MITF: variants seen among roughly 807,000 people sequenced by gnomAD.
The protein encoded by MITF is melanocyte inducing transcription factor, also known as microphthalmia-associated transcription factor.
A neutral mutation model predicts 60.5 loss-of-function variants in MITF; 17 were observed. That is an observed-to-expected ratio of 0.28 (90% CI 0.19 to 0.42). The LOEUF (loss-of-function observed/expected upper bound fraction) is 0.42, where lower values mean the gene tolerates loss of function less well. Among genes scored for constraint, MITF ranks in the 10% least tolerant of loss-of-function variants. MITF has a pLI of 1.00. For missense variants in MITF, 622 were observed against 683.5 expected, an observed-to-expected ratio of 0.91 and a Z score of 1.00; for synonymous variants, 260 against 248.5, an observed-to-expected ratio of 1.05 and a Z score of -0.43.
intron 2 of MITF, among the ~76,000 whole-genome samples, chr3:69,887,406 G>T (rs1296277545): frequency 2.0e-5 from 3 of 151,992 alleles, no homozygotes; most frequent in Admixed American, 6.6e-5. Flanking sequence ...TTCACTCAAG[G>T]TTATAACTGC....
At chr3:69,782,910 AT>A (rs2062588977) in intron 1 of MITF, among the ~76,000 whole-genome samples, 1 of 152,268 alleles carries the variant, frequency 6.6e-6, no homozygotes, top group Non-Finnish European at 1.5e-5. Context: ...CTCAGAGAAC[AT>A]AAAAATTAAC....
At chr3:69,766,702 G>A (rs903755529) in intron 1 of MITF, among the ~76,000 whole-genome samples, 5 of 152,062 alleles carry the variant, frequency 3.3e-5, no homozygotes, top group Non-Finnish European at 7.4e-5. Flanking sequence ...TACAATGAAG[G>A]CTAAAGATGG....
intron 2 of MITF, among the ~76,000 whole-genome samples, chr3:69,935,737 C>G (rs903991970): frequency 1.3e-5 from 2 of 151,810 alleles, no homozygotes; most frequent in African/African-American, 4.8e-5. Flanking sequence ...CTTTTTTTGC[C>G]TCACCCCAGA....
chr3:69,784,673 C>G (rs1469232452), intron 1 of MITF, among the ~76,000 whole-genome samples: 2 of 152,270 alleles, frequency 1.3e-5, no homozygotes, highest in Non-Finnish European at 2.9e-5. Flanking sequence ...CTAGTCTCCA[C>G]TCTAATCCAT....
chr3:69,818,247 C>T (rs1361247299), intron 1 of MITF, among the ~76,000 whole-genome samples: 1 of 152,194 alleles, frequency 6.6e-6, no homozygotes, highest in African/African-American at 2.4e-5. Flanking sequence ...TCCCCTTTTC[C>T]CCTGTTGCTC....
intron 2 of MITF, among the ~76,000 whole-genome samples, chr3:69,934,388 A>T (rs1230299341): frequency 6.6e-6 from 1 of 152,220 alleles, no homozygotes; most frequent in African/African-American, 2.4e-5. Flanking sequence ...AATTTCTAAT[A>T]TGCTAAATAT....
chr3:69,843,786 C>T (rs1001174665), intron 1 of MITF, among the ~76,000 whole-genome samples: 46 of 152,046 alleles, frequency 3.0e-4, no homozygotes, highest in African/African-American at 1.0e-3. Context: ...GATACATGTG[C>T]AGAACGTACA....
intron 2 of MITF, among the ~76,000 whole-genome samples, chr3:69,907,522 T>C (rs76569516): frequency 0.015 from 2,341 of 152,308 alleles, 30 homozygotes; most frequent in Middle Eastern, 0.051. Flanking sequence ...TTTGAGATCA[T>C]GTAGATGAAA....
intron 2 of MITF, chr3:69,936,796 A>G (rs971594586): frequency 2.5e-6 from 4 of 1,576,422 alleles, no homozygotes; most frequent in Non-Finnish European, 3.5e-6. Context: ...TTGAAATATA[A>G]TGCAATAAAT....
rs746168511 is a variant in MITF, at chr3:69,965,271, C to T, written c.*23C>T. 45 of 1,607,192 alleles carry T rather than the reference C, an allele frequency of 2.8e-5. No homozygotes were observed. The highest frequency in any genetic ancestry group is 1.7e-4 in the Middle Eastern group (1 of 6,050). ...TAGCGAATCCTCCCTGCACTGCATT[C>T]GCACAAACTGCTTCCTTTCTTGATT... On this transcript the variant is annotated 3_prime_UTR_variant, in exon 10 of 10. Transcript: ENST00000352241.
rs150892427 is a variant in MITF at position 69,828,755 on chromosome 3, A to T, written c.105-50379A>T. Among the ~76,000 whole-genome samples the T allele has an allele frequency of 9.9e-4, 151 of 152,316 alleles. 1 individual carries two copies. The East Asian group carries it at 0.023, about 23-fold the overall frequency. ...GTGTTTTAATCTTGGGATGATTTGAAGTAAGGCATAATCATGTATGAACAT... is the reference window on the plus strand; with the variant it reads ...GTGTTTTAATCTTGGGATGATTTGATGTAAGGCATAATCATGTATGAACAT... On this transcript the variant is annotated intron_variant, in intron 1 of 9. Transcript: ENST00000352241.
At position 69,792,998 on chromosome 3, in the gene MITF, CTTT is replaced by C. The variant is rs58440406; in HGVS notation, c.104+53328_104+53330del. ...TTGTTTTATGGGCTAAAGTCTTTAG[CTTT>C]TTTTTTTTTTTTTTTTTTTTTTTTT... On this transcript the variant is annotated intron_variant, in intron 1 of 9. Coordinates refer to ENST00000352241, the MANE Select transcript of MITF (RefSeq NM_001354604.2). 3.6e-3 allele frequency among the ~76,000 whole-genome samples: 111 copies of C among 31,072 alleles called. 1 individual carries two copies. The highest frequency in any genetic ancestry group is 7.0e-3 in the South Asian group (3 of 426). The allele number at this position is 31,072 out of a possible 152,430, so 20.4% of individuals were successfully genotyped here.
chr3:69,843,126 C>T (rs2107146898), intron 1 of MITF, among the ~76,000 whole-genome samples: 1 of 152,148 alleles, frequency 6.6e-6, no homozygotes, highest in East Asian at 1.9e-4. Flanking sequence ...TCAATGAGTA[C>T]TCCGTAAGTA....
chr3:69,948,973 A>C, intron 5 of MITF, 78 bp from the exon 6 acceptor site: 1 of 1,014,210 alleles, frequency 9.9e-7, no homozygotes, highest in Non-Finnish European at 1.6e-6. Context: ...TAAATCCTAG[A>C]GTAGGATATA....
chr3:69,778,246 G>C (rs1369745680), intron 1 of MITF, among the ~76,000 whole-genome samples: 1 of 152,074 alleles, frequency 6.6e-6, no homozygotes, highest in Non-Finnish European at 1.5e-5. Context: ...AACAGATTGG[G>C]GAGGATGAAT....
chr3:69,749,579 A>G (rs1431719163), intron 1 of MITF, among the ~76,000 whole-genome samples: 1 of 152,242 alleles, frequency 6.6e-6, no homozygotes, highest in Non-Finnish European at 1.5e-5. Flanking sequence ...GTGACCCCAA[A>G]TATGCATTCT....
intron 1 of MITF, among the ~76,000 whole-genome samples, chr3:69,784,346 G>T (rs1187732377): frequency 6.6e-6 from 1 of 152,054 alleles, no homozygotes; most frequent in African/African-American, 2.4e-5. Flanking sequence ...ATAAATCCCA[G>T]AATTTAATGC....
In MITF at chr3:69,964,675, ATCCTCCAAAGTCT is replaced by A. The variant is rs1424028183; in HGVS notation, c.1180-171_1180-159del. Among the ~76,000 whole-genome samples, 77 of 76,672 alleles carry A rather than the reference ATCCTCCAAAGTCT, an allele frequency of 1.0e-3. 35 individuals are homozygous for A. The highest frequency in any genetic ancestry group is 2.1e-3 in the African/African-American group (37 of 17,870). The allele number at this position is 76,672 out of a possible 152,430, so 50.3% of individuals were successfully genotyped here. A position where few individuals can be genotyped will look rare whatever the true frequency, so the allele number is the denominator to read the frequency against. ...AATGAACCCGCAGTGACATTTCATTATCCTCCAAAGTCTATACTTTACATTCCCTCTGGTATTG... is the reference window on the plus strand; with the variant it reads ...AATGAACCCGCAGTGACATTTCATTAATACTTTACATTCCCTCTGGTATTG... On this transcript the variant is annotated intron_variant, in intron 9 of 9. Coordinates refer to ENST00000352241, the MANE Select transcript of MITF (RefSeq NM_001354604.2).
chr3:69,949,319 T>C (rs1329401597), intron 6 of MITF, 151 bp downstream of exon 6: 1 of 639,484 alleles, frequency 1.6e-6, no homozygotes. Context: ...ATGCAATATT[T>C]TAAGACGGAG....
Sources: allele counts gnomAD v4.1 joint callset (sites outside exome capture counted in the v4.1 genomes callset), GRCh38; gene constraint gnomAD v4.1.1; transcripts MANE v1.5; gene names NCBI Gene and HGNC (gene_info 2026-07-23, HGNC 2026-07-21).